Variants in LRP1B observed in about 807,000 individuals in gnomAD.
LRP1B encodes LDL receptor related protein 1B.
LRP1B carries 217 observed loss-of-function variants against 556.6 expected under a neutral mutation model. The observed-to-expected ratio is 0.39, with a 90% CI of 0.35 to 0.44. The LOEUF (loss-of-function observed/expected upper bound fraction) is 0.44. Among genes scored for constraint, LRP1B ranks in the 20% least tolerant of loss-of-function variants. The probability of loss-of-function intolerance (pLI) is 1.00; values close to 1 mark genes in which losing one functional copy is unlikely to be tolerated. For synonymous variants in LRP1B, 2,047 were observed against 1,865.8 expected, an observed-to-expected ratio of 1.10 and a Z score of -2.50; for missense variants, 5,053 against 5,620.8, an observed-to-expected ratio of 0.90 and a Z score of 3.23.
intron 7 of LRP1B, among the ~76,000 whole-genome samples, chr2:141,175,048 T>C (rs1680677067): frequency 6.6e-6 from 1 of 152,040 alleles, no homozygotes; most frequent in South Asian, 2.1e-4. Flanking sequence ...AGGGAGATGA[T>C]TTAGGATATC....
At chr2:141,358,810 A>G (rs1377785782) in intron 3 of LRP1B, among the ~76,000 whole-genome samples, 1 of 152,158 alleles carries the variant, frequency 6.6e-6, no homozygotes, top group Non-Finnish European at 1.5e-5. Context: ...ATAATACGAC[A>G]TAATTGGAGG....
intron 1 of LRP1B, among the ~76,000 whole-genome samples, chr2:142,029,909 A>G (rs1298030921): frequency 6.6e-6 from 1 of 151,804 alleles, no homozygotes; most frequent in Non-Finnish European, 1.5e-5. Context: ...GGTTTAATGC[A>G]TTAGAGCTTG....
intron 66 of LRP1B, among the ~76,000 whole-genome samples, chr2:140,408,170 G>T (rs944074647): frequency 6.6e-6 from 1 of 151,832 alleles, no homozygotes; most frequent in African/African-American, 2.4e-5. Context: ...GGACTTTGAG[G>T]ATTTACAGGC....
chr2:141,629,639 A>C (rs1688836219), intron 2 of LRP1B, among the ~76,000 whole-genome samples: 1 of 152,098 alleles, frequency 6.6e-6, no homozygotes, highest in Admixed American at 6.6e-5. Flanking sequence ...TTCCAAATAT[A>C]CTGCCTTCAC....
chr2:141,388,209 G>A (rs1385162104), intron 3 of LRP1B, among the ~76,000 whole-genome samples: 1 of 152,172 alleles, frequency 6.6e-6, no homozygotes, highest in African/African-American at 2.4e-5. Context: ...GCCAAGACAG[G>A]CAGATCACCT....
At chr2:141,232,509 A>T (rs1573688789) in intron 5 of LRP1B, among the ~76,000 whole-genome samples, 5 of 152,302 alleles carry the variant, frequency 3.3e-5, no homozygotes, top group Admixed American at 3.3e-4. Context: ...GAGAGGCCGG[A>T]ATATAAAGGA....
intron 47 of LRP1B, among the ~76,000 whole-genome samples, chr2:140,532,073 A>T (rs2104987525): frequency 6.6e-6 from 1 of 152,096 alleles, no homozygotes; most frequent in East Asian, 1.9e-4. Context: ...TGAGTTCCAA[A>T]TCTCTACCTA....
chr2:140,862,632 C>T (rs72988163), intron 27 of LRP1B, among the ~76,000 whole-genome samples: 2,738 of 152,254 alleles, frequency 0.018, 78 homozygotes, highest in African/African-American at 0.061. Context: ...CAAGCATCTC[C>T]CAGATTTTGG....
chr2:141,137,306 C>T (rs976854023), intron 7 of LRP1B, among the ~76,000 whole-genome samples: 22 of 151,874 alleles, frequency 1.4e-4, no homozygotes, highest in Admixed American at 8.6e-4. Context: ...GTTCTCAGAA[C>T]TGCTGCATAT....
At chr2:140,511,622 A>G (rs1689666406) in intron 51 of LRP1B, among the ~76,000 whole-genome samples, 1 of 152,112 alleles carries the variant, frequency 6.6e-6, no homozygotes, top group Non-Finnish European at 1.5e-5. Context: ...CTTTTGCAAT[A>G]TAAACATACC....
At chr2:140,692,165 C>T (rs543593356) in intron 41 of LRP1B, among the ~76,000 whole-genome samples, 1 of 152,110 alleles carries the variant, frequency 6.6e-6, no homozygotes, top group East Asian at 1.9e-4. Context: ...CAAAAAATTG[C>T]TAAAATTTGA....
intron 86 of LRP1B, among the ~76,000 whole-genome samples, chr2:140,249,803 T>C (rs1393347285): frequency 1.3e-5 from 2 of 151,866 alleles, no homozygotes. Flanking sequence ...CAGTGGTTGA[T>C]TTAAGACCAG....
rs541515408 is a variant in LRP1B, at chr2:142,037,766, T to C, written c.82+92882A>G. Among the ~76,000 whole-genome samples the C allele has an allele frequency of 3.2e-4, 48 of 151,728 alleles. 1 individual carries two copies. The South Asian group carries it at 7.7e-3, about 24-fold the overall frequency. On this transcript the variant is annotated intron_variant, in intron 1 of 90. Transcript: ENST00000389484. Reference sequence around the variant, plus strand: ...CTAGAGGCTTCAATGATGTATTTTTTACAGGTCTAAACGTTTATACATTAT... The same window carrying C: ...CTAGAGGCTTCAATGATGTATTTTTCACAGGTCTAAACGTTTATACATTAT...
At chr2:141,481,875 T>C (rs1682931083) in intron 2 of LRP1B, among the ~76,000 whole-genome samples, 1 of 152,120 alleles carries the variant, frequency 6.6e-6, no homozygotes, top group African/African-American at 2.4e-5. Flanking sequence ...TTAATAAATG[T>C]TTGGTGTTAT....
intron 21 of LRP1B, among the ~76,000 whole-genome samples, chr2:140,915,430 C>G (rs1360509326): frequency 2.6e-5 from 4 of 151,756 alleles, no homozygotes; most frequent in Admixed American, 2.6e-4. Context: ...GGGTGAATCA[C>G]TTGAAGTAAG....
intron 2 of LRP1B, among the ~76,000 whole-genome samples, chr2:141,772,951 C>T (rs934097900): frequency 1.3e-5 from 2 of 152,180 alleles, no homozygotes; most frequent in African/African-American, 2.4e-5. Flanking sequence ...ACCCTTCCTC[C>T]TCTTTTGTTA....
intron 50 of LRP1B, 152 bp from the exon 51 acceptor site, chr2:140,514,924 A>G: frequency 1.3e-6 from 1 of 758,128 alleles, no homozygotes; most frequent in Non-Finnish European, 2.0e-6. Flanking sequence ...ATTCTATAAA[A>G]TTTTGGCATC....
chr2:140,653,297 AG>A (rs1381476055), intron 41 of LRP1B, among the ~76,000 whole-genome samples: 2 of 152,254 alleles, frequency 1.3e-5, no homozygotes, highest in African/African-American at 2.4e-5. Flanking sequence ...AAGTAGCAAA[AG>A]TTTACTCCCT....
intron 20 of LRP1B, among the ~76,000 whole-genome samples, chr2:140,942,688 G>A (rs1484793028): frequency 7.0e-6 from 1 of 142,054 alleles, no homozygotes; most frequent in Non-Finnish European, 1.6e-5. Context: ...GCCAAACTAA[G>A]CTTCATAAAT....
Sources: gnomAD v4.1 joint callset for allele counts (sites outside exome capture counted in the v4.1 genomes callset) on GRCh38, gnomAD v4.1.1 for gene constraint, MANE v1.5 for transcripts, NCBI Gene and HGNC (gene_info 2026-07-23, HGNC 2026-07-21) for gene names.